P2RX5: variants seen among roughly 807,000 people sequenced by gnomAD.
P2RX5 encodes the protein P2X purinoceptor 5.
P2RX5 carries 46 observed loss-of-function variants against 54.1 expected under a neutral mutation model. The observed-to-expected ratio is 0.85, with a 90% confidence interval of 0.67 to 1.09. The LOEUF is 1.09. Among genes scored for constraint, P2RX5 ranks in the 50% least tolerant of loss-of-function variants. P2RX5 has a pLI of 0.00. For synonymous variants in P2RX5, 226 were observed against 226.4 expected (o/e 1.00, Z 0.02); for missense variants, 566 against 549.8 (o/e 1.03, Z -0.29).
intron 9 of P2RX5, among the ~76,000 whole-genome samples, chr17:3,684,831 C>A (rs1337570146): frequency 7.5e-6 from 1 of 133,514 alleles, no homozygotes; most frequent in African/African-American, 2.6e-5. Context: ...CCTAATCCTG[C>A]CCCCTTTTTT....
chr17:3,720,367 A>G, the P2RX5 span: 4 of 1,580,750 alleles, frequency 2.5e-6, no homozygotes, highest in Non-Finnish European at 3.5e-6. Flanking sequence ...AAGATATTTC[A>G]CCAAGGATCT....
Position 3,679,740 on chromosome 17 carries a change from C to A in P2RX5, c.1109G>T (p.Gly370Val). 6.2e-7 allele frequency: 1 copy of A among 1,612,358 alleles called. No individual in the cohort carries two copies. The highest frequency in any genetic ancestry group is 1.7e-5 in the Admixed American group (1 of 59,986). ...SSQEAEDEAS[G>V]LGLSEQLTSG... ...TGTGAGCTGCTCAGATAGCCCCAGC[C>A]CCGATGCCTCGTCCTCGGCCTCCTG... Residue 370 changes from glycine (G) to valine (V), a missense_variant, in exon 11 of 12, where the codon GGG (glycine) becomes GTG (valine). By Grantham distance (109) the Gly-to-Val change is moderately radical. Transcript: ENST00000225328.
chr17:3,683,604 C>G (rs1205699166), intron 9 of P2RX5, among the ~76,000 whole-genome samples: 1 of 152,146 alleles, frequency 6.6e-6, no homozygotes, highest in African/African-American at 2.4e-5. Context: ...GTGGCGCACG[C>G]CTGTAATCCC....
the P2RX5 span, among the ~76,000 whole-genome samples, chr17:3,702,175 T>C: frequency 1.4e-5 from 2 of 145,760 alleles, no homozygotes; most frequent in African/African-American, 2.5e-5. Context: ...ACTCTGTGTC[T>C]AGCTAAAGGA....
rs901790891 is a variant in P2RX5 at position 3,696,085 on chromosome 17, G to A, written c.-80C>T. On this transcript the variant is annotated 5_prime_UTR_variant, in exon 1 of 12. Coordinates refer to ENST00000225328, the MANE Select transcript of P2RX5 (RefSeq NM_002561.4). ...GCACTCGGTCCCTCGGTCCCTGCGC[G>A]CCCGGCGCCCGCCTCGGCCCGTCTG... 3 of 1,450,112 alleles carry A rather than the reference G, an allele frequency of 2.1e-6. No homozygotes were observed. The highest frequency in any genetic ancestry group is 2.7e-6 in the Non-Finnish European group (3 of 1,093,162). 89.8% of individuals were successfully genotyped at this position (1,450,112 alleles called of 1,614,324 possible). A position where few individuals can be genotyped will look rare whatever the true frequency, so the allele number is the denominator to read the frequency against.
chr17:3,723,626 C>T, the P2RX5 span: 5 of 1,463,770 alleles, frequency 3.4e-6, no homozygotes, highest in South Asian at 1.3e-5. Context: ...AGTCTCCTGG[C>T]CTCTCGTTAC....
chr17:3,719,234 T>TA, the P2RX5 span, among the ~76,000 whole-genome samples: 16 of 34,796 alleles, frequency 4.6e-4, no homozygotes, highest in African/African-American at 1.7e-3. Context: ...AGATTCTTCC[T>TA]CAAAAAAAAA....
Position 3,688,002 on chromosome 17 carries a change from G to T in P2RX5, c.981+10C>A. 3 of 1,431,002 alleles carry T rather than the reference G, an allele frequency of 2.1e-6. No individual in the cohort carries two copies. Among genetic ancestry groups the T allele is most frequent in the Non-Finnish European group, 1.9e-6 (2 of 1,040,538 alleles). 88.6% of individuals were successfully genotyped at this position (1,431,002 alleles called of 1,614,324 possible). ...CCGCCCAGCCTCAGAACAGGAGAAG[G>T]CACACGCACCTTGCCGTTCACCATC... On this transcript the variant is annotated intron_variant, in intron 9 of 11. Transcript: ENST00000225328.
rs201889599 is a variant in P2RX5 at position 3,679,688 on chromosome 17, C to T, written c.1161G>A (p.Pro387=). ...LTSGPGLLGM[P]EQQELQEPPE... ...GTGGCTCCTGCAGCTCCTGCTGCTC[C>T]GGCATCCCCAGCAGCCCTGGCCCAG... The change falls in exon 11 of 12, where the codon CCG becomes CCA. Residue 387 remains proline, a synonymous_variant. Coordinates refer to ENST00000225328, the MANE Select transcript of P2RX5 (RefSeq NM_002561.4). 1.4e-5 allele frequency: 22 copies of T among 1,611,726 alleles called. No homozygotes were observed. The highest frequency in any genetic ancestry group is 2.7e-5 in the African/African-American group (2 of 74,868).
chr17:3,703,822 C>T, the P2RX5 span, among the ~76,000 whole-genome samples: 2 of 151,956 alleles, frequency 1.3e-5, no homozygotes, highest in South Asian at 2.1e-4. Context: ...AAACCCCAGC[C>T]GGGCATGGTG....
chr17:3,714,010 C>A, the P2RX5 span, among the ~76,000 whole-genome samples: 2 of 151,938 alleles, frequency 1.3e-5, no homozygotes, highest in South Asian at 2.1e-4. Context: ...TCACTGCAAG[C>A]TCTGCCTCCC....
chr17:3,682,053 C>A, intron 9 of P2RX5, 75 bp from the exon 10 acceptor site: 6 of 1,004,814 alleles, frequency 6.0e-6, no homozygotes, highest in Non-Finnish European at 9.4e-6. Context: ...TTTGCCCCTT[C>A]CATCCTGCAA....
chr17:3,688,889 C>G (rs2050523683), intron 7 of P2RX5, 130 bp from the exon 8 acceptor site: 2 of 986,562 alleles, frequency 2.0e-6, no homozygotes, highest in Admixed American at 3.7e-5. Context: ...CTCGAGACCA[C>G]CCTCCAGGAG....
chr17:3,723,779 A>C, the P2RX5 span: 1 of 1,601,676 alleles, frequency 6.2e-7, no homozygotes, highest in Non-Finnish European at 8.5e-7. Flanking sequence ...CGCGCTGAAC[A>C]AACCAAGCCG....
chr17:3,681,429 ACCGAAC>A (rs1567731319), intron 10 of P2RX5, among the ~76,000 whole-genome samples: 4 of 147,398 alleles, frequency 2.7e-5, no homozygotes, highest in African/African-American at 1.0e-4. Context: ...CGCACACCCC[ACCGAAC>A]CCAGGGCCCA....
intron 11 of P2RX5, chr17:3,677,344 C>G: frequency 1.0e-6 from 1 of 959,278 alleles, no homozygotes; most frequent in Non-Finnish European, 1.2e-6. Context: ...CCCGGGCGTC[C>G]CGAGGCTGGT....
At chr17:3,695,823 C>T (rs769826529) in intron 1 of P2RX5, 46 bp downstream of exon 1, 2 of 1,589,486 alleles carry the variant, frequency 1.3e-6, no homozygotes, top group Admixed American at 1.7e-5. Flanking sequence ...GGCTGGCACC[C>T]GCCCTGCCCC....
Position 3,691,687 on chromosome 17 carries a change from C to G in P2RX5, c.245G>C (p.Gly82Ala). ...GVAFTNTSDL[G>A]QRIWDVADYV... is the part of the protein sequence containing the mutation. ...GTCGGCGACATCCCAGATCCGCTGC[C>G]CAAGATCCGAGGTGTTGGTGAAGGC... The change falls in exon 2 of 12, where the codon GGG becomes GCG. Residue 82 changes from glycine to alanine, a missense_variant. By Grantham distance (60) the Gly-to-Ala change is moderately conservative. Coordinates refer to ENST00000225328, the MANE Select transcript of P2RX5 (RefSeq NM_002561.4). 1.2e-6 allele frequency: 2 copies of G among 1,614,210 alleles called. No homozygotes were observed. Among genetic ancestry groups the G allele is most frequent in the Non-Finnish European group, 1.7e-6 (2 of 1,180,040 alleles).
chr17:3,706,817 A>G, the P2RX5 span, among the ~76,000 whole-genome samples: 2 of 152,250 alleles, frequency 1.3e-5, no homozygotes, highest in Non-Finnish European at 2.9e-5. Flanking sequence ...TCACCGTGTT[A>G]GCCAGGATGG....
Sources: allele counts gnomAD v4.1 joint callset (sites outside exome capture counted in the v4.1 genomes callset), GRCh38; gene constraint gnomAD v4.1.1; transcripts MANE v1.5; gene names NCBI Gene and HGNC (gene_info 2026-07-23, HGNC 2026-07-21).